RXFP1: variants seen among roughly 807,000 people sequenced by gnomAD.
The protein encoded by RXFP1 is relaxin family peptide receptor 1, also known as relaxin receptor 1.
RXFP1 carries 73 observed loss-of-function variants against 89.8 expected under a neutral mutation model. That is an observed-to-expected ratio of 0.81 (90% CI 0.67 to 0.99). RXFP1 has a LOEUF of 0.99. Ranked by LOEUF, RXFP1 falls within the 50% of genes least tolerant of loss-of-function variation. The pLI, the probability that RXFP1 is intolerant of heterozygous loss-of-function variation, is 0.00. For missense variants in RXFP1, 793 were observed against 895.5 expected (o/e 0.89, Z 1.46); for synonymous variants, 277 against 305.5 (o/e 0.91, Z 0.97).
intron 1 of RXFP1, among the ~76,000 whole-genome samples, chr4:158,552,131 G>A (rs9995272): frequency 0.038 from 5,772 of 152,116 alleles, 327 homozygotes; most frequent in African/African-American, 0.13. Context: ...ATGGAAATAA[G>A]GTGTGAAATG....
chr4:158,560,184 C>A (rs572684041), intron 1 of RXFP1, among the ~76,000 whole-genome samples: 30 of 152,346 alleles, frequency 2.0e-4, no homozygotes, highest in African/African-American at 7.2e-4. Context: ...TCAGTCCCAA[C>A]AATATCTCCA....
chr4:158,615,988 C>G (rs1764488727), intron 8 of RXFP1, among the ~76,000 whole-genome samples: 1 of 152,086 alleles, frequency 6.6e-6, no homozygotes, highest in Non-Finnish European at 1.5e-5. Context: ...CTGAGAATTA[C>G]CAAAATATGA....
chr4:158,571,386 G>C (rs1755026160), intron 1 of RXFP1, among the ~76,000 whole-genome samples: 1 of 152,192 alleles, frequency 6.6e-6, no homozygotes, highest in Non-Finnish European at 1.5e-5. Flanking sequence ...GGTAAAAGAG[G>C]CTGGGCGCGG....
At chr4:158,548,128 G>T (rs1749023747) in intron 1 of RXFP1, among the ~76,000 whole-genome samples, 1 of 152,116 alleles carries the variant, frequency 6.6e-6, no homozygotes, top group African/African-American at 2.4e-5. Flanking sequence ...ATGAATCTGG[G>T]TGCTCCTGTA....
At chr4:158,593,570 C>A in intron 3 of RXFP1, 71 bp downstream of exon 3, 2 of 780,054 alleles carry the variant, frequency 2.6e-6, no homozygotes, top group Non-Finnish European at 3.9e-6. Flanking sequence ...TTTGATTCAA[C>A]ATTTTAAAAA....
At position 158,562,696 on chromosome 4, in the gene RXFP1, G is replaced by C. The variant is rs151089472; in HGVS notation, c.50-10002G>C. Among the ~76,000 whole-genome samples, 406 of 152,088 alleles carry C rather than the reference G, an allele frequency of 2.7e-3. 2 individuals carry two copies. Among genetic ancestry groups the C allele is most frequent in the African/African-American group, 9.2e-3 (383 of 41,500 alleles). The stretch of plus-strand genomic sequence containing the variant: ...TCCTATAACTGGGATGATTCCACCT[G>C]AAGCTTTTGTTAAAGGAACCCCGAG... On this transcript the variant is annotated intron_variant, in intron 1 of 17. Transcript: ENST00000307765.
At chr4:158,591,973 A>G (rs553289057) in intron 2 of RXFP1, among the ~76,000 whole-genome samples, 78 of 152,294 alleles carry the variant, frequency 5.1e-4, no homozygotes, top group African/African-American at 1.9e-3. Flanking sequence ...AGAGATCCCC[A>G]GAGAAACTGC....
intron 1 of RXFP1, among the ~76,000 whole-genome samples, chr4:158,538,987 C>T (rs933521158): frequency 3.9e-5 from 6 of 152,106 alleles, no homozygotes; most frequent in Admixed American, 1.3e-4. Context: ...ATTCAAAACA[C>T]GCCCAGGTGG....
rs1282046460 is a variant in RXFP1, at chr4:158,551,980, G to A, written c.50-20718G>A. The stretch of plus-strand genomic sequence containing the variant: ...AATAAAGAAATTTTTAAAAAATAAA[G>A]ACCCACTCAAAAAACAGAAAAGTAT... On this transcript the variant is annotated intron_variant, in intron 1 of 17. Coordinates refer to ENST00000307765, the MANE Select transcript of RXFP1 (RefSeq NM_021634.4). Among the ~76,000 whole-genome samples the A allele has an allele frequency of 3.3e-5, 5 of 152,016 alleles. No homozygotes were observed. In the South Asian group the frequency reaches 6.2e-4, roughly 19 times the overall value.
chr4:158,576,183 T>C (rs551922269), intron 2 of RXFP1, among the ~76,000 whole-genome samples: 30 of 152,336 alleles, frequency 2.0e-4, no homozygotes, highest in African/African-American at 5.8e-4. Flanking sequence ...ATCACATAAC[T>C]TTCTTGAAAT....
intron 16 of RXFP1, among the ~76,000 whole-genome samples, chr4:158,648,088 A>T (rs1167844323): frequency 6.6e-6 from 1 of 152,044 alleles, no homozygotes; most frequent in Non-Finnish European, 1.5e-5. Flanking sequence ...AGGCAGGAGG[A>T]TTGCTTGAGC....
At chr4:158,632,989 G>A (rs530466851) in intron 11 of RXFP1, among the ~76,000 whole-genome samples, 1 of 152,194 alleles carries the variant, frequency 6.6e-6, no homozygotes, top group Admixed American at 6.5e-5. Flanking sequence ...GGCCAACATA[G>A]TGAAACCCCG....
chr4:158,605,479 A>G (rs1165209120), intron 5 of RXFP1, among the ~76,000 whole-genome samples: 1 of 152,200 alleles, frequency 6.6e-6, no homozygotes, highest in Non-Finnish European at 1.5e-5. Flanking sequence ...TCTTAGAGAA[A>G]AATGTTACGC....
intron 1 of RXFP1, among the ~76,000 whole-genome samples, chr4:158,568,108 C>T (rs924849559): frequency 5.3e-5 from 8 of 152,110 alleles, no homozygotes; most frequent in East Asian, 1.9e-4. Context: ...CCACAAAGGC[C>T]TTCAGCTTCA....
chr4:158,536,523 C>T (rs1745314968), intron 1 of RXFP1, among the ~76,000 whole-genome samples: 1 of 152,136 alleles, frequency 6.6e-6, no homozygotes, highest in Admixed American at 6.6e-5. Flanking sequence ...AGAGAAATAG[C>T]TTGCTCAGAA....
intron 9 of RXFP1, among the ~76,000 whole-genome samples, chr4:158,622,708 G>T (rs1765852232): frequency 6.6e-6 from 1 of 152,136 alleles, no homozygotes; most frequent in South Asian, 2.1e-4. Context: ...TATGGGTCAT[G>T]GCAGGGGGAA....
intron 1 of RXFP1, among the ~76,000 whole-genome samples, chr4:158,549,557 C>G (rs889463055): frequency 2.6e-5 from 4 of 152,270 alleles, no homozygotes; most frequent in African/African-American, 7.2e-5. Flanking sequence ...TTTTTCTGCT[C>G]TGTTTTTTCC....
At chr4:158,608,638 A>G (rs967585707) in intron 6 of RXFP1, among the ~76,000 whole-genome samples, 2 of 152,192 alleles carry the variant, frequency 1.3e-5, no homozygotes, top group Admixed American at 6.5e-5. Context: ...GCTAAAATTC[A>G]CCATTTAACT....
intron 8 of RXFP1, among the ~76,000 whole-genome samples, chr4:158,615,671 A>T (rs1444681090): frequency 6.6e-6 from 1 of 152,012 alleles, no homozygotes; most frequent in Non-Finnish European, 1.5e-5. Context: ...ATGGCTGGGC[A>T]GGGTGGCTCA....
Sources: allele counts gnomAD v4.1 joint callset (sites outside exome capture counted in the v4.1 genomes callset), GRCh38; gene constraint gnomAD v4.1.1; transcripts MANE v1.5; gene names NCBI Gene and HGNC (gene_info 2026-07-23, HGNC 2026-07-21).